The following TASP1 variants were observed in gnomAD, a reference collection of about 807,000 sequenced individuals.
TASP1 encodes the protein taspase 1.
A neutral mutation model predicts 56.6 loss-of-function variants in TASP1; 16 were observed. The ratio of observed to expected loss-of-function variants is 0.28; its 90% CI spans 0.19 to 0.43. TASP1 has a LOEUF of 0.43. Among genes scored for constraint, TASP1 ranks in the 20% least tolerant of loss-of-function variants. The pLI is 1.00. For synonymous variants in TASP1, 179 were observed against 184.2 expected (o/e 0.97, Z 0.23); for missense variants, 393 against 511.6 (o/e 0.77, Z 2.24).
At chr20:13,201,232 G>A in the TASP1 span, among the ~76,000 whole-genome samples, 2 of 152,190 alleles carry the variant, frequency 1.3e-5, no homozygotes, top group Non-Finnish European at 2.9e-5. Flanking sequence ...ATTGGAGAAA[G>A]GCAAGAGTAA....
the TASP1 span, among the ~76,000 whole-genome samples, chr20:13,170,853 T>C: frequency 5.3e-5 from 8 of 152,066 alleles, no homozygotes; most frequent in Non-Finnish European, 1.0e-4. Flanking sequence ...AGCCCAAATG[T>C]GTGGGGTTTT....
chr20:13,456,405 T>C (rs1022919374), intron 11 of TASP1, among the ~76,000 whole-genome samples: 1 of 152,092 alleles, frequency 6.6e-6, no homozygotes, highest in Admixed American at 6.6e-5. Context: ...TGATGGAAAA[T>C]CATTAGCCCT....
At chr20:13,265,580 A>T in the TASP1 span, among the ~76,000 whole-genome samples, 1 of 152,106 alleles carries the variant, frequency 6.6e-6, no homozygotes. Flanking sequence ...TCCCAAATTC[A>T]TCTGTGCCTT....
At chr20:13,204,294 T>G in the TASP1 span, among the ~76,000 whole-genome samples, 2 of 152,316 alleles carry the variant, frequency 1.3e-5, no homozygotes, top group African/African-American at 4.8e-5. Flanking sequence ...GTTCTGCCTG[T>G]CTGAGCCACT....
At chr20:13,542,097 A>G (rs1027931079) in intron 8 of TASP1, among the ~76,000 whole-genome samples, 2 of 152,086 alleles carry the variant, frequency 1.3e-5, no homozygotes, top group Non-Finnish European at 2.9e-5. Context: ...GAATGTCATC[A>G]GATTGGATTT....
the TASP1 span, among the ~76,000 whole-genome samples, chr20:13,178,112 A>C: frequency 1.3e-5 from 2 of 152,188 alleles, no homozygotes; most frequent in Non-Finnish European, 2.9e-5. Context: ...GACATTTCTC[A>C]AAAGACATAC....
intron 1 of TASP1, among the ~76,000 whole-genome samples, chr20:13,637,354 G>C (rs910168417): frequency 1.3e-5 from 2 of 152,182 alleles, no homozygotes; most frequent in Admixed American, 1.3e-4. Flanking sequence ...GTTAAACATA[G>C]AGTTACCATA....
intron 10 of TASP1, among the ~76,000 whole-genome samples, chr20:13,500,426 G>A (rs1234422709): frequency 6.6e-6 from 1 of 150,990 alleles, no homozygotes; most frequent in Non-Finnish European, 1.5e-5. Context: ...AAGAAATAGT[G>A]TGACTGGGAA....
At chr20:13,247,170 T>A in the TASP1 span, among the ~76,000 whole-genome samples, 5,514 of 151,872 alleles carry the variant, frequency 0.036, 175 homozygotes, top group African/African-American at 0.077. Context: ...GGCAGAGGTT[T>A]CAGTGAGCCG....
At chr20:13,332,575 A>G in the TASP1 span, among the ~76,000 whole-genome samples, 1 of 152,252 alleles carries the variant, frequency 6.6e-6, no homozygotes, top group Non-Finnish European at 1.5e-5. Context: ...TACCAGACCA[A>G]TGAAAATGCT....
At chr20:13,255,410 T>A in the TASP1 span, among the ~76,000 whole-genome samples, 6 of 152,042 alleles carry the variant, frequency 3.9e-5, no homozygotes, top group East Asian at 1.2e-3. Context: ...AGCCAGAAAC[T>A]GGACAAAAAT....
At chr20:13,354,034 G>A in the TASP1 span, among the ~76,000 whole-genome samples, 4 of 152,042 alleles carry the variant, frequency 2.6e-5, no homozygotes, top group Admixed American at 2.0e-4. Context: ...CAAGAACAAA[G>A]TACTGTCAAA....
chr20:13,375,948 T>C, the TASP1 span, among the ~76,000 whole-genome samples: 2 of 152,148 alleles, frequency 1.3e-5, no homozygotes, highest in Non-Finnish European at 2.9e-5. Flanking sequence ...TAAATTTGTT[T>C]AAGTTCCTTG....
chr20:13,531,525 C>T (rs1230110688), intron 9 of TASP1, among the ~76,000 whole-genome samples: 4 of 146,800 alleles, frequency 2.7e-5, no homozygotes, highest in Non-Finnish European at 4.5e-5. Context: ...CAGAATCTTG[C>T]TCTGTCTCCC....
chr20:13,127,474 C>A, the TASP1 span, among the ~76,000 whole-genome samples: 1 of 152,222 alleles, frequency 6.6e-6, no homozygotes, highest in Admixed American at 6.5e-5. Context: ...CACCTCCCAG[C>A]TGACCTGAAG....
At chr20:13,294,592 G>A in the TASP1 span, among the ~76,000 whole-genome samples, 1 of 152,094 alleles carries the variant, frequency 6.6e-6, no homozygotes, top group Non-Finnish European at 1.5e-5. Context: ...TCTCAGTCAG[G>A]GTCCAGGCAG....
intron 10 of TASP1, among the ~76,000 whole-genome samples, chr20:13,484,011 C>T (rs972535245): frequency 2.0e-5 from 3 of 152,176 alleles, no homozygotes; most frequent in African/African-American, 7.2e-5. Flanking sequence ...TATGCAAGAA[C>T]ACTTCTCAAA....
the TASP1 span, among the ~76,000 whole-genome samples, chr20:13,246,959 G>A: frequency 3.0e-4 from 46 of 152,012 alleles, no homozygotes; most frequent in Admixed American, 2.0e-3. Flanking sequence ...TATAGTGCCG[G>A]GCCCAGTGGC....
chr20:13,150,230 G>T, the TASP1 span, among the ~76,000 whole-genome samples: 1 of 152,030 alleles, frequency 6.6e-6, no homozygotes, highest in Non-Finnish European at 1.5e-5. Context: ...CTTAAGTAAG[G>T]CAAATATTCT....
Sources: gnomAD v4.1 joint callset for allele counts (sites outside exome capture counted in the v4.1 genomes callset) on GRCh38, gnomAD v4.1.1 for gene constraint, MANE v1.5 for transcripts, NCBI Gene and HGNC (gene_info 2026-07-23, HGNC 2026-07-21) for gene names.